Variants in GABBR2 observed in about 807,000 individuals in gnomAD.
The protein encoded by GABBR2 is G-protein coupled receptor 51.
In GABBR2, 23 loss-of-function variants were observed where a neutral mutation model predicts 105.6. The observed-to-expected ratio is 0.22, with a 90% CI of 0.16 to 0.31. GABBR2 has a LOEUF of 0.31. Among genes scored for constraint, GABBR2 ranks in the 10% least tolerant of loss-of-function variants. GABBR2 has a pLI of 1.00. For synonymous variants in GABBR2, 478 were observed against 499.7 expected, an observed-to-expected ratio of 0.96 and a Z score of 0.58; for missense variants, 734 against 1,245.5, an observed-to-expected ratio of 0.59 and a Z score of 6.18.
At chr9:98,363,299 C>G (rs1398838149) in intron 12 of GABBR2, among the ~76,000 whole-genome samples, 1 of 152,122 alleles carries the variant, frequency 6.6e-6, no homozygotes, top group Non-Finnish European at 1.5e-5. Context: ...CAGGAGGAAC[C>G]ACAGTAGTAA....
chr9:98,507,138 A>T (rs1827529158), intron 3 of GABBR2, among the ~76,000 whole-genome samples: 1 of 152,186 alleles, frequency 6.6e-6, no homozygotes, highest in South Asian at 2.1e-4. Flanking sequence ...AGAAATTCCA[A>T]AGAATCATCA....
At chr9:98,418,564 A>C (rs760581761) in intron 7 of GABBR2, among the ~76,000 whole-genome samples, 31 of 152,120 alleles carry the variant, frequency 2.0e-4, no homozygotes, top group Non-Finnish European at 3.5e-4. Flanking sequence ...AAAAAAACCC[A>C]AAAATCCAAA....
Position 98,306,938 on chromosome 9 carries a change from G to A in GABBR2, c.2005-593C>T, listed in dbSNP as rs1340637289. Among the ~76,000 whole-genome samples, 1 of 152,204 alleles carries A rather than the reference G, an allele frequency of 6.6e-6. No individual in the cohort carries two copies. The highest frequency in any genetic ancestry group is 2.4e-5 in the African/African-American group (1 of 41,444). ...CTGTAAATAGAAGTGGTGTGCACAT[G>A]TTCTGGGAAGTGTCTTTAAAGGGAA... On this transcript the variant is annotated intron_variant, in intron 14 of 18. Transcript: ENST00000259455. The surrounding 1 kb of genome is among the most constrained non-coding windows in gnomAD (Gnocchi z 5.4).
chr9:98,515,533 C>T (rs544060893), intron 3 of GABBR2, among the ~76,000 whole-genome samples: 1 of 152,130 alleles, frequency 6.6e-6, no homozygotes, highest in Non-Finnish European at 1.5e-5. Flanking sequence ...TGCAAACCCC[C>T]TTTCTTGGCT....
chr9:98,417,247 G>C (rs1278615902), intron 7 of GABBR2, among the ~76,000 whole-genome samples: 4 of 152,198 alleles, frequency 2.6e-5, no homozygotes, highest in Non-Finnish European at 5.9e-5. Context: ...CTACGAAGGA[G>C]AGAGAATGGA....
chr9:98,504,808 G>A (rs760709754), intron 3 of GABBR2, among the ~76,000 whole-genome samples: 1 of 152,204 alleles, frequency 6.6e-6, no homozygotes, highest in South Asian at 2.1e-4. Context: ...AGAGGGCACC[G>A]CTGTAGCTAA....
At chr9:98,317,856 TACAA>T (rs1433837253) in intron 13 of GABBR2, among the ~76,000 whole-genome samples, 1 of 152,142 alleles carries the variant, frequency 6.6e-6, no homozygotes, top group Non-Finnish European at 1.5e-5. Flanking sequence ...CAGTTATGAA[TACAA>T]ACAGTGATAA....
At chr9:98,342,941 CT>C (rs984836271) in intron 13 of GABBR2, among the ~76,000 whole-genome samples, 12 of 152,174 alleles carry the variant, frequency 7.9e-5, no homozygotes, top group Admixed American at 1.3e-4. Context: ...TTAGGATTGA[CT>C]TTTTTTCCCC....
chr9:98,349,344 GTTTTGTTTTTTTTTTTTTT>G lies in GABBR2; in HGVS notation c.1893+13352_1893+13370del, dbSNP rs1460021217. ...TTTGGTTTGCCAATATTTTGTTGAAGTTTTGTTTTTTTTTTTTTTTTTTTTTTTTTTTTTTCGGGACAGA... is the reference window on the plus strand; with the variant it reads ...TTTGGTTTGCCAATATTTTGTTGAAGTTTTTTTTTTTTTTTTCGGGACAGA... On this transcript the variant is annotated intron_variant, in intron 13 of 18. Transcript: ENST00000259455. Among the ~76,000 whole-genome samples, 13 of 105,482 alleles carry G rather than the reference GTTTTGTTTTTTTTTTTTTT, an allele frequency of 1.2e-4. 1 individual carries two copies. The highest frequency in any genetic ancestry group is 6.2e-4 in the Admixed American group (6 of 9,692). 69.2% of individuals were successfully genotyped at this position (105,482 alleles called of 152,430 possible). A position where few individuals can be genotyped will look rare whatever the true frequency, so the allele number is the denominator to read the frequency against.
intron 11 of GABBR2, 34 bp downstream of exon 11, chr9:98,385,606 A>G: frequency 1.3e-6 from 2 of 1,595,706 alleles, no homozygotes; most frequent in Non-Finnish European, 1.7e-6. Context: ...GAAACTTTCT[A>G]TCATATACCA....
intron 8 of GABBR2, among the ~76,000 whole-genome samples, chr9:98,396,213 C>T (rs1170248173): frequency 2.0e-5 from 3 of 152,206 alleles, no homozygotes; most frequent in African/African-American, 2.4e-5. Context: ...GGAGGATTGT[C>T]CACCCATCCC....
intron 8 of GABBR2, among the ~76,000 whole-genome samples, chr9:98,395,526 A>G (rs1832272906): frequency 6.6e-6 from 1 of 152,000 alleles, no homozygotes; most frequent in African/African-American, 2.4e-5. Context: ...GATCAAGTGC[A>G]GACTCTGGAG....
intron 3 of GABBR2, among the ~76,000 whole-genome samples, chr9:98,508,202 A>G (rs1827552706): frequency 6.6e-6 from 1 of 152,228 alleles, no homozygotes; most frequent in South Asian, 2.1e-4. Context: ...AGCCTCTGAC[A>G]CCAAACTAGA....
intron 13 of GABBR2, among the ~76,000 whole-genome samples, chr9:98,320,639 T>TG (rs1325754074): frequency 2.0e-5 from 3 of 152,178 alleles, no homozygotes; most frequent in Non-Finnish European, 4.4e-5. Flanking sequence ...CATGGAATAC[T>TG]GTGCAGCCTT....
intron 3 of GABBR2, among the ~76,000 whole-genome samples, chr9:98,529,374 C>T (rs369434744): frequency 2.0e-5 from 3 of 152,214 alleles, no homozygotes; most frequent in South Asian, 2.1e-4. Flanking sequence ...GACGGAGTCA[C>T]GGAGAACATT....
chr9:98,314,888 CAGTGCTGAGCAAGTCA>C (rs3837263), intron 13 of GABBR2, among the ~76,000 whole-genome samples: 19,469 of 152,022 alleles, frequency 0.13, 1,494 homozygotes, highest in South Asian at 0.22. Flanking sequence ...GTACTCCAGG[CAGTGCTGAGCAAGTCA>C]AGTGCTGAGC....
chr9:98,676,514 G>A (rs1026405950), intron 1 of GABBR2, among the ~76,000 whole-genome samples: 1 of 152,180 alleles, frequency 6.6e-6, no homozygotes, highest in African/African-American at 2.4e-5. Context: ...TTTCTGAAAT[G>A]GGATTGAAAA....
intron 1 of GABBR2, chr9:98,607,001 T>A (rs1334734154): frequency 6.5e-6 from 6 of 924,930 alleles, no homozygotes; most frequent in Non-Finnish European, 1.1e-5. Context: ...GCTCGGTAGC[T>A]CAACAGAAGA....
At chr9:98,470,976 A>G (rs925553909) in intron 6 of GABBR2, among the ~76,000 whole-genome samples, 1 of 152,166 alleles carries the variant, frequency 6.6e-6, no homozygotes, top group African/African-American at 2.4e-5. Flanking sequence ...CTGAAGGACT[A>G]TGTGGGACAG....
Sources: allele counts gnomAD v4.1 joint callset (sites outside exome capture counted in the v4.1 genomes callset), GRCh38; gene constraint gnomAD v4.1.1; non-coding constraint Gnocchi (gnomAD v3.1); transcripts MANE v1.5; gene names NCBI Gene and HGNC (gene_info 2026-07-23, HGNC 2026-07-21).